The following NCOR2 variants were observed in gnomAD, a reference collection of about 807,000 sequenced individuals.
NCOR2 encodes the protein CTG repeat protein 26.
Under a neutral mutation model 262.9 loss-of-function variants are expected in NCOR2, and 81 were observed. The ratio of observed to expected loss-of-function variants is 0.31; its 90% CI spans 0.26 to 0.37. The LOEUF (loss-of-function observed/expected upper bound fraction) is 0.37, where lower values mean the gene tolerates loss of function less well. NCOR2 is among the 10% of genes least tolerant of loss of function. NCOR2 has a pLI of 1.00. For missense variants in NCOR2, 3,385 were observed against 3,621.4 expected (o/e 0.93, Z 1.68); for synonymous variants, 1,659 against 1,559.3 (o/e 1.06, Z -1.51).
chr12:124,486,831 G>A (rs928677532), intron 1 of NCOR2, among the ~76,000 whole-genome samples: 9 of 152,264 alleles, frequency 5.9e-5, no homozygotes, highest in East Asian at 3.9e-4. Context: ...CCACGATCAC[G>A]CCCACCTTCC....
At chr12:124,369,859 T>C (rs2039346626) in intron 20 of NCOR2, among the ~76,000 whole-genome samples, 3 of 151,994 alleles carry the variant, frequency 2.0e-5, no homozygotes, top group Admixed American at 2.0e-4. Flanking sequence ...GACGGGAGGC[T>C]GCAAGTGCCC....
exon 33 of NCOR2, chr12:124,343,211 C>G (rs766746478): frequency 6.2e-7 from 1 of 1,608,336 alleles, no homozygotes; most frequent in Non-Finnish European, 8.5e-7. Flanking sequence ...GGATGCCTTG[C>G]TGGACGAAAG....
At chr12:124,524,577 T>C (rs1300233027) in intron 1 of NCOR2, among the ~76,000 whole-genome samples, 1 of 152,182 alleles carries the variant, frequency 6.6e-6, no homozygotes, top group Non-Finnish European at 1.5e-5. Context: ...GAGGCATTGT[T>C]TGAGCACCTA....
chr12:124,565,348 A>T (rs2052201918), intron 1 of NCOR2, among the ~76,000 whole-genome samples: 1 of 152,128 alleles, frequency 6.6e-6, no homozygotes, highest in Non-Finnish European at 1.5e-5. Context: ...CGGCTCAGGG[A>T]AGCCAGACAG....
intron 27 of NCOR2, 29 bp from the exon 30 acceptor site, chr12:124,350,766 G>A (rs2037379820): frequency 6.3e-7 from 1 of 1,598,230 alleles, no homozygotes; most frequent in South Asian, 1.1e-5. Context: ...GAGCGCCCAG[G>A]AGGCTGCAGC....
rs115226248 is a variant in NCOR2, at chr12:124,372,723, G to A, written c.2219-113C>T. The A allele has an allele frequency of 6.8e-5, 65 of 948,914 alleles. No individual in the cohort carries two copies. In the African/African-American group the frequency reaches 9.7e-4, roughly 14 times the overall value. 58.8% of individuals were successfully genotyped at this position (948,914 alleles called of 1,614,324 possible). A position where few individuals can be genotyped will look rare whatever the true frequency, so the allele number is the denominator to read the frequency against. On this transcript the variant is annotated intron_variant, in intron 19 of 46. Transcript: ENST00000405201. ...CGCTCTGTCGCCTGATGCCAAAACA[G>A]CCCCGAGGCTCCTACACACCTGGGC...
intron 1 of NCOR2, among the ~76,000 whole-genome samples, chr12:124,490,631 C>T (rs2048034530): frequency 6.6e-6 from 1 of 152,168 alleles, no homozygotes; most frequent in Admixed American, 6.5e-5. Context: ...GAGAGACCCC[C>T]CCCAGGGCAC....
At chr12:124,488,948 T>C (rs1038237361) in intron 1 of NCOR2, among the ~76,000 whole-genome samples, 5 of 151,674 alleles carry the variant, frequency 3.3e-5, no homozygotes, top group Admixed American at 2.0e-4. Flanking sequence ...CCTAGGAGCA[T>C]CTTGGGTGCC....
chr12:124,354,322 TCC>T, intron 26 of NCOR2, 126 bp from the exon 29 acceptor site: 1 of 1,178,024 alleles, frequency 8.5e-7, no homozygotes, highest in Non-Finnish European at 1.2e-6. Context: ...GCAGAGGGAG[TCC>T]CCCTACCCCT....
chr12:124,374,292 CG>C, intron 19 of NCOR2, 120 bp downstream of exon 21: 1 of 1,004,776 alleles, frequency 1.0e-6, no homozygotes, highest in Non-Finnish European at 1.5e-6. Context: ...GGAGCACAAA[CG>C]GTGGCGCTCA....
At chr12:124,374,203 G>A (rs1005616802) in intron 19 of NCOR2, among the ~76,000 whole-genome samples, 14 of 152,240 alleles carry the variant, frequency 9.2e-5, no homozygotes, top group Non-Finnish European at 1.9e-4. Context: ...CAGTGGAGAC[G>A]GGAAACTGGT....
At chr12:124,565,900 C>A (rs1050634308) in intron 1 of NCOR2, among the ~76,000 whole-genome samples, 2 of 152,194 alleles carry the variant, frequency 1.3e-5, no homozygotes, top group African/African-American at 4.8e-5. Flanking sequence ...CTTGCCATTT[C>A]TCGGCCCCTC....
rs2052256736 is a variant in NCOR2, at chr12:124,566,794, G to A, written c.-165+514C>T. On this transcript the variant is annotated intron_variant, in intron 1 of 32. Transcript: ENST00000458234. The surrounding 1 kb of genome is among the most constrained non-coding windows in gnomAD (Gnocchi z 4.3). Reference sequence around the variant, plus strand: ...CGCCCCGTGGCCCCACGCCTAGGAGGGACAAGGCTGGCTCTCCCCCTCGGC... The same window carrying A: ...CGCCCCGTGGCCCCACGCCTAGGAGAGACAAGGCTGGCTCTCCCCCTCGGC... 6.6e-6 allele frequency among the ~76,000 whole-genome samples: 1 copy of A among 152,162 alleles called. No individual in the cohort carries two copies. Among genetic ancestry groups the A allele is most frequent in the African/African-American group, 2.4e-5 (1 of 41,452 alleles).
chr12:124,439,948 G>A (rs1330120868), intron 7 of NCOR2, among the ~76,000 whole-genome samples: 2 of 151,986 alleles, frequency 1.3e-5, no homozygotes, highest in Non-Finnish European at 2.9e-5. Flanking sequence ...CACGCCATGA[G>A]GGCTGGAAGA....
intron 6 of NCOR2, 128 bp downstream of exon 8, chr12:124,456,978 G>A (rs984732488): frequency 9.4e-6 from 6 of 634,944 alleles, no homozygotes; most frequent in African/African-American, 9.3e-5. Flanking sequence ...TGCTTCCTCC[G>A]CGGACGCCGC....
intron 1 of NCOR2, among the ~76,000 whole-genome samples, chr12:124,518,784 C>T (rs1038181805): frequency 1.1e-4 from 16 of 152,218 alleles, no homozygotes; most frequent in Non-Finnish European, 1.9e-4. Flanking sequence ...GCTCCAGCCC[C>T]GCTTCTCCCA....
At chr12:124,372,453 G>A (rs1435719015) in exon 20 of NCOR2, 2 of 1,548,678 alleles carry the variant, frequency 1.3e-6, no homozygotes, top group Non-Finnish European at 1.7e-6. Flanking sequence ...GCTCAGTGGG[G>A]GCCGGGATGT....
rs116966407 is a variant in NCOR2 at position 124,432,692 on chromosome 12, G to A, written c.883-1905C>T. ...CCAAGGACCAGCTGTGAGGACCCCA[G>A]CAGCTCCCAGAGAGGGGGCTCTGCC... On this transcript the variant is annotated intron_variant, in intron 8 of 46. Transcript: ENST00000405201. The surrounding 1 kb of genome is among the most constrained non-coding windows in gnomAD (Gnocchi z 5.1). Among the ~76,000 whole-genome samples, 445 of 152,288 alleles carry A rather than the reference G, an allele frequency of 2.9e-3. 4 individuals carry two copies. The East Asian group carries it at 0.036, about 12-fold the overall frequency.
At chr12:124,506,421 AGCTCGGCCC>A (rs1355596013) in intron 1 of NCOR2, among the ~76,000 whole-genome samples, 1 of 152,044 alleles carries the variant, frequency 6.6e-6, no homozygotes, top group African/African-American at 2.4e-5. Context: ...GACGGCAGCC[AGCTCGGCCC>A]TGCTCCCCCG....
Sources: allele counts gnomAD v4.1 joint callset (sites outside exome capture counted in the v4.1 genomes callset), GRCh38; gene constraint gnomAD v4.1.1; non-coding constraint Gnocchi (gnomAD v3.1); transcripts MANE v1.5; gene names NCBI Gene and HGNC (gene_info 2026-07-23, HGNC 2026-07-21).